MTHFD1L: variants seen among roughly 807,000 people sequenced by gnomAD.
The protein encoded by MTHFD1L is monofunctional C1-tetrahydrofolate synthase, mitochondrial.
MTHFD1L carries 81 observed loss-of-function variants against 119.5 expected under a neutral mutation model. The ratio of observed to expected loss-of-function variants is 0.68; its 90% CI spans 0.57 to 0.82. The LOEUF (loss-of-function observed/expected upper bound fraction) is 0.82. MTHFD1L is among the 40% of genes least tolerant of loss of function. The pLI, the probability that MTHFD1L is intolerant of heterozygous loss-of-function variation, is 0.00. For missense variants in MTHFD1L, 1,125 were observed against 1,253.4 expected, an observed-to-expected ratio of 0.90 and a Z score of 1.55; for synonymous variants, 430 against 475.2, an observed-to-expected ratio of 0.90 and a Z score of 1.24.
At chr6:151,034,309 T>A (rs1215669408) in intron 24 of MTHFD1L, among the ~76,000 whole-genome samples, 184 bp from the exon 25 acceptor site, 1 of 152,136 alleles carries the variant, frequency 6.6e-6, no homozygotes, top group African/African-American at 2.4e-5. Context: ...TTTCTGACAC[T>A]GAAAATTTCA....
intron 11 of MTHFD1L, among the ~76,000 whole-genome samples, chr6:150,934,455 G>A (rs181210631): frequency 4.6e-5 from 7 of 152,156 alleles, no homozygotes; most frequent in South Asian, 2.1e-4. Context: ...CACATTTATC[G>A]TAATTGCTGA....
chr6:150,921,395 C>G (rs966612195), intron 9 of MTHFD1L, among the ~76,000 whole-genome samples: 1 of 152,132 alleles, frequency 6.6e-6, no homozygotes, highest in South Asian at 2.1e-4. Flanking sequence ...GGATTACAGG[C>G]GTGAGCCACT....
intron 7 of MTHFD1L, among the ~76,000 whole-genome samples, chr6:150,890,386 C>T (rs1309744685): frequency 5.3e-5 from 8 of 152,002 alleles, no homozygotes; most frequent in Non-Finnish European, 2.9e-5. Context: ...TTGGTGAAAG[C>T]GGTATCTAGC....
intron 27 of MTHFD1L, chr6:151,099,621 G>C (rs1290381441): frequency 1.9e-6 from 3 of 1,609,300 alleles, no homozygotes; most frequent in Non-Finnish European, 2.5e-6. Context: ...TCAAAATTAA[G>C]CGTAACTGGT....
chr6:150,875,645 C>T (rs1780316684), intron 1 of MTHFD1L, among the ~76,000 whole-genome samples: 1 of 151,500 alleles, frequency 6.6e-6, no homozygotes, highest in Admixed American at 6.6e-5. Flanking sequence ...AGTGAGCCCC[C>T]TGTCTTCACC....
chr6:150,905,248 G>C (rs1785713401), intron 7 of MTHFD1L, among the ~76,000 whole-genome samples: 1 of 151,904 alleles, frequency 6.6e-6, no homozygotes, highest in Admixed American at 6.6e-5. Context: ...TGGCCAGTCT[G>C]GTCTCGAACT....
intron 24 of MTHFD1L, among the ~76,000 whole-genome samples, chr6:151,020,120 T>C (rs1783740669): frequency 6.6e-6 from 1 of 152,214 alleles, no homozygotes; most frequent in Non-Finnish European, 1.5e-5. Flanking sequence ...CCAGACTTTA[T>C]ATCCCCAAGA....
At chr6:151,000,335 C>CAAAAAAAAAA (rs946814251) in intron 20 of MTHFD1L, among the ~76,000 whole-genome samples, 2 of 75,300 alleles carry the variant, frequency 2.7e-5, no homozygotes. Context: ...GACTCTGTCT[C>CAAAAAAAAAA]AAAAAAAAAA....
At chr6:151,088,159 T>A (rs1794007517) in intron 26 of MTHFD1L, 1 of 152,182 alleles carries the variant, frequency 6.6e-6, no homozygotes, top group Non-Finnish European at 1.5e-5. Context: ...CTAACATAAT[T>A]CCACATTATG....
chr6:151,076,686 T>G (rs1469802589), intron 26 of MTHFD1L, among the ~76,000 whole-genome samples: 1 of 151,258 alleles, frequency 6.6e-6, no homozygotes, highest in Non-Finnish European at 1.5e-5. Flanking sequence ...ATACCAAATG[T>G]TGGCAAGGAT....
chr6:151,018,380 A>G lies in MTHFD1L; in HGVS notation c.2586+2687A>G, dbSNP rs563360953. Among the ~76,000 whole-genome samples the G allele has an allele frequency of 2.4e-4, 36 of 152,308 alleles. 1 individual carries two copies. In the South Asian group the frequency reaches 2.9e-3, roughly 12 times the overall value. ...GTGAGAGAACGGGGCTGATGTATTA[A>G]TATTTAATATTACCACAGCTCTCGC... On this transcript the variant is annotated intron_variant, in intron 24 of 27. Coordinates refer to ENST00000367321, the MANE Select transcript of MTHFD1L (RefSeq NM_015440.5).
rs565060846 is a variant in MTHFD1L, at chr6:151,034,157, A to C, written c.2587-336A>C. ...GATTGTGCCACTGCACGACAGAGTG[A>C]TACTGTCTTAAAAAAAAAAAAGAAA... On this transcript the variant is annotated intron_variant, in intron 24 of 27. Transcript: ENST00000367321. 1.5e-3 allele frequency among the ~76,000 whole-genome samples: 227 copies of C among 151,632 alleles called. 1 individual carries two copies. Among genetic ancestry groups the C allele is most frequent in the African/African-American group, 5.3e-3 (219 of 41,438 alleles).
intron 20 of MTHFD1L, among the ~76,000 whole-genome samples, chr6:151,005,787 A>G (rs1452776038): frequency 1.3e-5 from 2 of 152,188 alleles, no homozygotes; most frequent in Non-Finnish European, 1.5e-5. Flanking sequence ...AAATAAATGA[A>G]TAAGTAAATT....
chr6:150,870,955 A>G (rs905447903), intron 1 of MTHFD1L, among the ~76,000 whole-genome samples: 2 of 141,972 alleles, frequency 1.4e-5, no homozygotes, highest in South Asian at 2.2e-4. Context: ...AAACATATAT[A>G]TATATATTAT....
intron 20 of MTHFD1L, among the ~76,000 whole-genome samples, chr6:151,001,421 A>C (rs1371963659): frequency 6.6e-6 from 1 of 152,250 alleles, no homozygotes; most frequent in Admixed American, 6.5e-5. Context: ...TTCAAAGTCC[A>C]AGGAGGGTTT....
At position 151,092,492 on chromosome 6, in the gene MTHFD1L, C is replaced by T. The variant is rs1244146873; in HGVS notation, c.2873C>T (p.Thr958Ile). Reference protein sequence around the residue: ...GTMSTMPGLPTRPCFYDIDLD... With the variant: ...GTMSTMPGLPIRPCFYDIDLD... Reference sequence around the variant, plus strand: ...ATGAGCACCATGCCAGGACTGCCCACCCGGCCCTGCTTTTATGACATAGAT... The same window carrying T: ...ATGAGCACCATGCCAGGACTGCCCATCCGGCCCTGCTTTTATGACATAGAT... Residue 958 changes from threonine (T) to isoleucine (I), a missense_variant, in exon 27 of 28, where the codon ACC becomes ATC. By Grantham distance (89) the Thr-to-Ile change is moderately conservative. This residue lies in a region of MTHFD1L where 61 missense variants were observed against 78.9 expected (regional missense o/e 0.77). Transcript: ENST00000367321. The T allele has an allele frequency of 1.9e-6, 3 of 1,614,016 alleles. No individual in the cohort carries two copies. The highest frequency in any genetic ancestry group is 2.2e-5 in the South Asian group (2 of 91,068).
chr6:151,100,179 A>G (rs893389772), intron 27 of MTHFD1L, among the ~76,000 whole-genome samples: 2 of 151,728 alleles, frequency 1.3e-5, no homozygotes, highest in Non-Finnish European at 2.9e-5. Context: ...GACTACAGGC[A>G]CCTGCCACCA....
intron 26 of MTHFD1L, among the ~76,000 whole-genome samples, chr6:151,066,347 GA>G (rs1162465825): frequency 7.1e-6 from 1 of 141,660 alleles, no homozygotes; most frequent in Non-Finnish European, 1.5e-5. Context: ...TGAGGCAGGG[GA>G]ATGGTGTGAA....
intron 20 of MTHFD1L, among the ~76,000 whole-genome samples, chr6:151,001,387 C>G (rs1780598427): frequency 6.6e-6 from 1 of 152,222 alleles, no homozygotes; most frequent in Non-Finnish European, 1.5e-5. Flanking sequence ...GAAAAACTAT[C>G]TCAGCACTTC....
Sources: allele counts gnomAD v4.1 joint callset (sites outside exome capture counted in the v4.1 genomes callset), GRCh38; gene constraint gnomAD v4.1.1; regional missense constraint gnomAD v4.1.1; transcripts MANE v1.5; gene names NCBI Gene and HGNC (gene_info 2026-07-23, HGNC 2026-07-21).